Variants in REEP4 observed in about 807,000 individuals in gnomAD.
The protein encoded by REEP4 is receptor expression-enhancing protein 4.
In REEP4, 17 loss-of-function variants were observed where a neutral mutation model predicts 33.5. The observed-to-expected ratio is 0.51, with a 90% confidence interval of 0.35 to 0.76. REEP4 has a LOEUF of 0.76. REEP4 is among the 30% of genes least tolerant of loss of function. The pLI is 0.01. For missense variants in REEP4, 340 were observed against 357.9 expected (o/e 0.95, Z 0.40); for synonymous variants, 157 against 142.9 (o/e 1.10, Z -0.70).
Position 22,139,511 on chromosome 8 carries a change from C to G in REEP4, c.322G>C (p.Val108Leu), listed in dbSNP as rs775447828. Residue 108 changes from valine to leucine, a missense_variant, in exon 5 of 8, where the codon GTG becomes CTG. Transcript: ENST00000306306. The part of the protein sequence containing the change: ...RHEKEIDAYI[V>L]QAKERSYETV... ...TCGTAGCTGCGCTCCTTGGCCTGCA[C>G]GATGTACGCGTCGATCTCCTGTGGA... The G allele has an allele frequency of 6.2e-7, 1 of 1,609,774 alleles. No individual in the cohort carries two copies. Among genetic ancestry groups the G allele is most frequent in the East Asian group, 2.2e-5 (1 of 44,896 alleles).
At chr8:22,141,372 C>T in intron 1 of REEP4, 79 bp downstream of exon 1, 1 of 1,524,240 alleles carries the variant, frequency 6.6e-7, no homozygotes. Flanking sequence ...TTCCTCCTCC[C>T]ACTAGACGTC....
Position 22,140,155 on chromosome 8 carries a change from G to A in REEP4, c.182+17C>T, listed in dbSNP as rs184406950. The A allele has an allele frequency of 1.2e-3, 1,928 of 1,613,786 alleles. 3 individuals are homozygous for A. Among genetic ancestry groups the A allele is most frequent in the Non-Finnish European group, 1.1e-3 (1,333 of 1,179,954 alleles). On this transcript the variant is annotated intron_variant, in intron 3 of 7. Transcript: ENST00000306306. ...GGGCCACCCCTGACCCATGGCTTGC[G>A]GACCCTGCGTCCATACCAGGAGATA... is the stretch of plus-strand genomic sequence containing the variant.
chr8:22,139,079 C>T lies in REEP4; in HGVS notation c.418-18G>A. On this transcript the variant is annotated intron_variant, in intron 5 of 7. Transcript: ENST00000306306. ...CCCTGACTCTGCGAGGGGGAAGAGG[C>T]TTCAGCGGGGAGGCTGCCCAGGGAT... is the stretch of plus-strand genomic sequence containing the variant. 6.4e-7 allele frequency: 1 copy of T among 1,563,536 alleles called. No individual in the cohort carries two copies. Among genetic ancestry groups the T allele is most frequent in the Middle Eastern group, 1.7e-4 (1 of 5,824 alleles).
At chr8:22,140,555 G>T in intron 2 of REEP4, 70 bp downstream of exon 2, 2 of 1,358,338 alleles carry the variant, frequency 1.5e-6, no homozygotes, top group Non-Finnish European at 2.1e-6. Context: ...CCCTGGAGGA[G>T]GGAGAGGCCA....
In REEP4 at chr8:22,141,530, A is replaced by G. The variant is rs1827231633; in HGVS notation, c.-48T>C. On this transcript the variant is annotated 5_prime_UTR_variant, in exon 1 of 8. Transcript: ENST00000306306. ...GGAGGACCCCAGGAAGCCGCTCAGAAGGACGTTCACTCAAGGGCTGGGACG... is the reference window on the plus strand; with the variant it reads ...GGAGGACCCCAGGAAGCCGCTCAGAGGGACGTTCACTCAAGGGCTGGGACG... 1.3e-6 allele frequency: 2 copies of G among 1,579,508 alleles called. No individual in the cohort carries two copies. Among genetic ancestry groups the G allele is most frequent in the Non-Finnish European group, 1.7e-6 (2 of 1,163,784 alleles).
Position 22,138,052 on chromosome 8 carries a change from G to A in REEP4, c.*435C>T, listed in dbSNP as rs1275481902. ...TATGTATTTATTTATCAAAACACTC[G>A]CAAACCTGACCTCACTCACCAACAC... On this transcript the variant is annotated 3_prime_UTR_variant, in exon 8 of 8. Coordinates refer to ENST00000306306, the MANE Select transcript of REEP4 (RefSeq NM_025232.4). 6 of 464,118 alleles carry A rather than the reference G, an allele frequency of 1.3e-5. No homozygotes were observed. Among genetic ancestry groups the A allele is most frequent in the East Asian group, 1.1e-4 (3 of 26,350 alleles). The allele number at this position is 464,118 out of a possible 1,614,324, so 28.7% of individuals were successfully genotyped here.
Position 22,138,298 on chromosome 8 carries a change from ACATTGTGGGTGCATCCCTG to A in REEP4, c.*170_*188del, listed in dbSNP as rs139843046. The stretch of plus-strand genomic sequence containing the variant: ...AACCCTGGGCCCAGCCTGCTTTGGT[ACATTGTGGGTGCATCCCTG>A]CATGTGGCCTTGGCAGCATCTGCTC... On this transcript the variant is annotated 3_prime_UTR_variant, in exon 8 of 8. Transcript: ENST00000306306. The A allele has an allele frequency of 0.16, 115,575 of 743,412 alleles. 9,346 individuals are homozygous for A. Among genetic ancestry groups the A allele is most frequent in the Middle Eastern group, 0.21 (734 of 3,522 alleles). The allele number at this position is 743,412 out of a possible 1,614,324, so 46.1% of individuals were successfully genotyped here.
intron 1 of REEP4, 100 bp from the exon 2 acceptor site, chr8:22,140,797 GC>G (rs1425462426): frequency 1.0e-6 from 1 of 1,004,700 alleles, no homozygotes; most frequent in East Asian, 2.4e-5. Context: ...GGCAGTACCC[GC>G]CCTGTTTTTC....
In REEP4 at chr8:22,141,804, G is replaced by T; in HGVS notation, c.-322C>A. On this transcript the variant is annotated 5_prime_UTR_variant, in exon 1 of 8. Coordinates refer to ENST00000306306, the MANE Select transcript of REEP4 (RefSeq NM_025232.4). Reference sequence around the variant, plus strand: ...ACCTGGCGCTCGGCCCTTGCTGCTGGTCCCGCGCTGGAGCGGGTCGCCGCG... The same window carrying T: ...ACCTGGCGCTCGGCCCTTGCTGCTGTTCCCGCGCTGGAGCGGGTCGCCGCG... 3 of 335,592 alleles carry T rather than the reference G, an allele frequency of 8.9e-6. No individual in the cohort carries two copies. The highest frequency in any genetic ancestry group is 1.6e-5 in the Non-Finnish European group (3 of 184,382). 20.8% of individuals were successfully genotyped at this position (335,592 alleles called of 1,614,324 possible). A position where few individuals can be genotyped will look rare whatever the true frequency, so the allele number is the denominator to read the frequency against.
At position 22,140,075 on chromosome 8, in the gene REEP4, A is replaced by T. The variant is rs1402845937; in HGVS notation, c.191T>A (p.Phe64Tyr). Residue 64 changes from phenylalanine to tyrosine, a missense_variant, in exon 4 of 8, where the codon TTC becomes TAC. Physicochemically the swap from Phe to Tyr is conservative, Grantham distance 22 (BLOSUM62 3). Coordinates refer to ENST00000306306, the MANE Select transcript of REEP4 (RefSeq NM_025232.4). Reference protein sequence around the residue: ...VTDIFISWFPFYYEIKMAFVL... With the variant: ...VTDIFISWFPYYYEIKMAFVL... ...GAAGGCCATCTTGATCTCATAGTAG[A>T]AAGGGAACCTGTCACAGCACAAGGG... 1 of 1,613,814 alleles carries T rather than the reference A, an allele frequency of 6.2e-7. No individual in the cohort carries two copies. The highest frequency in any genetic ancestry group is 1.3e-5 in the African/African-American group (1 of 74,898).
chr8:22,139,402 G>A lies in REEP4; in HGVS notation c.417+14C>T. 2 of 1,593,538 alleles carry A rather than the reference G, an allele frequency of 1.3e-6. No individual in the cohort carries two copies. Among genetic ancestry groups the A allele is most frequent in the Non-Finnish European group, 1.7e-6 (2 of 1,170,598 alleles). ...TGGGATGGGGGCTGCTGGAGGGCTG[G>A]GGGCCCAGAGCACCTTGGTGGCAGC... On this transcript the variant is annotated intron_variant, in intron 5 of 7. Transcript: ENST00000306306.
At position 22,141,737 on chromosome 8, in the gene REEP4, C is replaced by A; in HGVS notation, c.-255G>T. Reference sequence around the variant, plus strand: ...CTTGGGAGCGGGCGCGCCCCGCGGCCGGGGCAGTTACAGCTCCCACCCGCC... The same window carrying A: ...CTTGGGAGCGGGCGCGCCCCGCGGCAGGGGCAGTTACAGCTCCCACCCGCC... On this transcript the variant is annotated 5_prime_UTR_variant, in exon 1 of 8. Transcript: ENST00000306306. 1 of 416,750 alleles carries A rather than the reference C, an allele frequency of 2.4e-6. No individual in the cohort carries two copies. The highest frequency in any genetic ancestry group is 4.2e-6 in the Non-Finnish European group (1 of 235,504). 25.8% of individuals were successfully genotyped at this position (416,750 alleles called of 1,614,324 possible).
rs752057533 is a variant in REEP4, at chr8:22,141,695, G to A, written c.-213C>T. 10 of 432,660 alleles carry A rather than the reference G, an allele frequency of 2.3e-5. No homozygotes were observed. Among genetic ancestry groups the A allele is most frequent in the Non-Finnish European group, 3.2e-5 (8 of 249,146 alleles). 26.8% of individuals were successfully genotyped at this position (432,660 alleles called of 1,614,324 possible). On this transcript the variant is annotated 5_prime_UTR_variant, in exon 1 of 8. Coordinates refer to ENST00000306306, the MANE Select transcript of REEP4 (RefSeq NM_025232.4). ...GGGAGACCCGAGGCAAAGCGGCCCC[G>A]GCGGGGAGGAAGCCGACTTGGGAGC...
Position 22,140,195 on chromosome 8 carries a change from G to T in REEP4, c.159C>A (p.Ile53=). The change falls in exon 3 of 8, where the codon ATC becomes ATA. Residue 53 remains isoleucine (I), a synonymous_variant. Coordinates refer to ENST00000306306, the MANE Select transcript of REEP4 (RefSeq NM_025232.4). Reference sequence around the variant, plus strand: ...ACCAGGAGATAAAAATGTCTGTAACGATCTCTGCTGCCATGAAGAGTGCAA... The same window carrying T: ...ACCAGGAGATAAAAATGTCTGTAACTATCTCTGCTGCCATGAAGAGTGCAA... ...IVFALFMAAE[I]VTDIFISWFP... 2 of 1,614,124 alleles carry T rather than the reference G, an allele frequency of 1.2e-6. No individual in the cohort carries two copies. The highest frequency in any genetic ancestry group is 8.5e-7 in the Non-Finnish European group (1 of 1,180,028).
Position 22,138,742 on chromosome 8 carries a change from GA to G in REEP4, c.604del (p.Ser202GlnfsTer18), listed in dbSNP as rs1438973684. 6.2e-7 allele frequency: 1 copy of G among 1,611,988 alleles called. No individual in the cohort carries two copies. The highest frequency in any genetic ancestry group is 2.2e-5 in the East Asian group (1 of 44,862). On this transcript the variant is annotated frameshift_variant, in exon 7 of 8. Transcript: ENST00000306306. LOFTEE classifies it high-confidence loss of function. ...CGCCCGGGGGACTGCCTCAGTATCT[GA>G]CCAACACTCATCCTCGGTGTCGCTG... is the stretch of plus-strand genomic sequence containing the variant. ...QDSDTEDECW[S>X]DTEAVPRAPA...
chr8:22,139,126 C>G lies in REEP4; in HGVS notation c.418-65G>C, dbSNP rs750285825. The G allele has an allele frequency of 4.5e-6, 7 of 1,543,936 alleles. No individual in the cohort carries two copies. In the African/African-American group the frequency reaches 5.4e-5, roughly 12 times the overall value. The stretch of plus-strand genomic sequence containing the variant: ...GGATATTGGCCAACCAGCTAATCAC[C>G]GGAGCTGAGACGCAGAAGTGAAAAC... On this transcript the variant is annotated intron_variant, in intron 5 of 7. Coordinates refer to ENST00000306306, the MANE Select transcript of REEP4 (RefSeq NM_025232.4).
chr8:22,140,572 A>C (rs1390119882), intron 2 of REEP4, 53 bp downstream of exon 2: 2 of 1,492,750 alleles, frequency 1.3e-6, no homozygotes, highest in Non-Finnish European at 1.8e-6. Context: ...GCCAACTGAG[A>C]CCCTCCCCAC....
Position 22,139,529 on chromosome 8 carries a change from C to T in REEP4, c.304G>A (p.Glu102Lys), listed in dbSNP as rs997516127. ...VHPSLSRHEKEIDAYIVQAKE... is the reference protein window; with the variant it reads ...VHPSLSRHEKKIDAYIVQAKE... ...GCCTGCACGATGTACGCGTCGATCTCCTGTGGACCCAATGGGGAGGAGAGC... is the reference window on the plus strand; with the variant it reads ...GCCTGCACGATGTACGCGTCGATCTTCTGTGGACCCAATGGGGAGGAGAGC... Residue 102 changes from glutamate to lysine, a missense_variant and splice_region_variant, in exon 5 of 8, where the codon GAG becomes AAG. By Grantham distance (56) the Glu-to-Lys change is moderately conservative (BLOSUM62 1). Transcript: ENST00000306306. The T allele has an allele frequency of 6.2e-7, 1 of 1,605,568 alleles. No individual in the cohort carries two copies. The highest frequency in any genetic ancestry group is 8.5e-7 in the Non-Finnish European group (1 of 1,177,576).
rs879176330 is a variant in REEP4 at position 22,138,170 on chromosome 8, G to A, written c.*317C>T. On this transcript the variant is annotated 3_prime_UTR_variant, in exon 8 of 8. Coordinates refer to ENST00000306306, the MANE Select transcript of REEP4 (RefSeq NM_025232.4). ...AAGGAATGAACACACCCAGGTGGACGTTTGGTTTCATTTGCAGGGGTTCAG... is the reference window on the plus strand; with the variant it reads ...AAGGAATGAACACACCCAGGTGGACATTTGGTTTCATTTGCAGGGGTTCAG... The A allele has an allele frequency of 1.0e-4, 61 of 601,538 alleles. No individual in the cohort carries two copies. The highest frequency in any genetic ancestry group is 7.8e-4 in the South Asian group (40 of 51,076). 37.3% of individuals were successfully genotyped at this position (601,538 alleles called of 1,614,324 possible).
Sources: gnomAD v4.1 joint callset for allele counts on GRCh38, gnomAD v4.1.1 for gene constraint, MANE v1.5 for transcripts, NCBI Gene and HGNC (gene_info 2026-07-23, HGNC 2026-07-21) for gene names.